The following SLC7A1 variants were observed in gnomAD, a reference collection of about 807,000 sequenced individuals.
SLC7A1 encodes the protein high affinity cationic amino acid transporter 1.
SLC7A1 carries 10 observed loss-of-function variants against 53.9 expected under a neutral mutation model. The ratio of observed to expected loss-of-function variants is 0.19; its 90% CI spans 0.11 to 0.31. The LOEUF (loss-of-function observed/expected upper bound fraction) is 0.31, where lower values mean the gene tolerates loss of function less well. Among genes scored for constraint, SLC7A1 ranks in the 10% least tolerant of loss-of-function variants. The pLI is 1.00. For synonymous variants in SLC7A1, 342 were observed against 338.7 expected (o/e 1.01, Z -0.11); for missense variants, 525 against 827.2 (o/e 0.63, Z 4.48).
intron 4 of SLC7A1, 74 bp downstream of exon 4, chr13:29,532,750 G>T: frequency 1.5e-6 from 2 of 1,332,420 alleles, no homozygotes; most frequent in Non-Finnish European, 2.1e-6. Flanking sequence ...GTAAAGAAAG[G>T]AACTTAACAG....
chr13:29,516,068 G>A, intron 12 of SLC7A1, 70 bp downstream of exon 12: 2 of 905,136 alleles, frequency 2.2e-6, no homozygotes, highest in Non-Finnish European at 3.5e-6. Context: ...ATTCTGTTAT[G>A]AAATCTGAAA....
intron 2 of SLC7A1, among the ~76,000 whole-genome samples, chr13:29,548,428 G>A (rs188522678): frequency 9.2e-5 from 14 of 152,228 alleles, no homozygotes; most frequent in Admixed American, 5.9e-4. Flanking sequence ...GTCAGTAACC[G>A]GGCGAGGCTG....
intron 5 of SLC7A1, among the ~76,000 whole-genome samples, chr13:29,530,037 G>A (rs1368040643): frequency 1.3e-5 from 2 of 152,310 alleles, no homozygotes; most frequent in East Asian, 1.9e-4. Flanking sequence ...AAAGACTATT[G>A]TGCTCACATT....
At position 29,550,178 on chromosome 13, in the gene SLC7A1, A is replaced by G. The variant is rs561979134; in HGVS notation, c.-15+3583T>C. Among the ~76,000 whole-genome samples, 93 of 152,344 alleles carry G rather than the reference A, an allele frequency of 6.1e-4. 1 individual carries two copies. Among genetic ancestry groups the G allele is most frequent in the Admixed American group, 1.8e-3 (27 of 15,310 alleles). ...CAAAACTGCAGTTAAATTCCAAGGC[A>G]GCTCACAAAAAGCCATTTAACCCAC... On this transcript the variant is annotated intron_variant, in intron 2 of 12. Transcript: ENST00000380752.
At chr13:29,590,493 G>A (rs7981502) in intron 1 of SLC7A1, among the ~76,000 whole-genome samples, 24,427 of 152,102 alleles carry the variant, frequency 0.16, 2,403 homozygotes, top group Middle Eastern at 0.28. Flanking sequence ...GTCACTGAGC[G>A]CAAGGTGCAT....
intron 1 of SLC7A1, among the ~76,000 whole-genome samples, chr13:29,573,666 T>C (rs1361872013): frequency 1.3e-5 from 2 of 152,192 alleles, no homozygotes; most frequent in East Asian, 1.9e-4. Context: ...TGACCAATAA[T>C]TGGTTAATGT....
intron 1 of SLC7A1, among the ~76,000 whole-genome samples, chr13:29,584,051 G>C (rs1298680176): frequency 6.6e-6 from 1 of 152,114 alleles, no homozygotes; most frequent in Non-Finnish European, 1.5e-5. Context: ...AACAGCATCA[G>C]ATCAAGTTCA....
intron 1 of SLC7A1, among the ~76,000 whole-genome samples, chr13:29,581,664 C>T (rs909507002): frequency 2.6e-5 from 4 of 152,208 alleles, no homozygotes; most frequent in African/African-American, 9.7e-5. Context: ...GGAACTTCAC[C>T]CCAGTGCTAG....
intron 4 of SLC7A1, 83 bp from the exon 5 acceptor site, chr13:29,530,795 C>T (rs928394346): frequency 7.9e-5 from 93 of 1,181,628 alleles, no homozygotes; most frequent in Non-Finnish European, 7.5e-5. Flanking sequence ...GATAAGAAGG[C>T]GACTGAAAAA....
At chr13:29,537,880 C>A (rs1571785) in intron 2 of SLC7A1, among the ~76,000 whole-genome samples, 3,368 of 152,320 alleles carry the variant, frequency 0.022, 129 homozygotes, top group African/African-American at 0.077. Flanking sequence ...CTAGAAAAGT[C>A]CGTGCCTAAC....
intron 3 of SLC7A1, among the ~76,000 whole-genome samples, chr13:29,535,332 A>C (rs1433930480): frequency 6.6e-6 from 1 of 152,252 alleles, no homozygotes; most frequent in Non-Finnish European, 1.5e-5. Context: ...AATGTTTACT[A>C]TATATTGTTT....
At chr13:29,543,562 C>T (rs1869766086) in intron 2 of SLC7A1, among the ~76,000 whole-genome samples, 1 of 152,218 alleles carries the variant, frequency 6.6e-6, no homozygotes, top group South Asian at 2.1e-4. Flanking sequence ...ACAAAGTTTA[C>T]AGCCCACCAC....
At chr13:29,560,663 T>C (rs893430788) in intron 1 of SLC7A1, among the ~76,000 whole-genome samples, 1 of 152,094 alleles carries the variant, frequency 6.6e-6, no homozygotes, top group African/African-American at 2.4e-5. Flanking sequence ...CAAAAACACA[T>C]GAGTAACGTG....
chr13:29,567,527 C>T (rs1026415446), intron 1 of SLC7A1, among the ~76,000 whole-genome samples: 2 of 152,208 alleles, frequency 1.3e-5, no homozygotes, highest in African/African-American at 2.4e-5. Context: ...TTTTGGGATG[C>T]TTCCCACACT....
At chr13:29,545,624 C>A (rs2139123198) in intron 2 of SLC7A1, among the ~76,000 whole-genome samples, 1 of 152,300 alleles carries the variant, frequency 6.6e-6, no homozygotes, top group East Asian at 1.9e-4. Context: ...TAATATTTTT[C>A]TTTTAAATCC....
intron 11 of SLC7A1, 107 bp from the exon 12 acceptor site, chr13:29,516,353 G>A (rs747604524): frequency 1.8e-5 from 13 of 709,208 alleles, no homozygotes; most frequent in South Asian, 3.6e-5. Flanking sequence ...AGGGACCGTC[G>A]GGCGAGTGTG....
intron 1 of SLC7A1, among the ~76,000 whole-genome samples, chr13:29,554,280 G>A (rs1870334541): frequency 1.3e-5 from 2 of 152,196 alleles, no homozygotes; most frequent in African/African-American, 2.4e-5. Flanking sequence ...GCCAGCAGGG[G>A]CAGAAAACCT....
chr13:29,533,111 C>A (rs1057414518), intron 3 of SLC7A1, 129 bp from the exon 4 acceptor site: 5 of 899,342 alleles, frequency 5.6e-6, no homozygotes, highest in African/African-American at 5.1e-5. Context: ...GCAGCAGCAG[C>A]CAGACCACAG....
chr13:29,531,326 T>A (rs933883072), intron 4 of SLC7A1, among the ~76,000 whole-genome samples: 1 of 137,962 alleles, frequency 7.2e-6, no homozygotes, highest in Non-Finnish European at 1.5e-5. Flanking sequence ...GTTTTTTTTT[T>A]AAAGAAAACT....
Sources: gnomAD v4.1 joint callset for allele counts (sites outside exome capture counted in the v4.1 genomes callset) on GRCh38, gnomAD v4.1.1 for gene constraint, MANE v1.5 for transcripts, NCBI Gene and HGNC (gene_info 2026-07-23, HGNC 2026-07-21) for gene names.